The following VRTN variants were observed in gnomAD, a reference collection of about 807,000 sequenced individuals.
VRTN encodes vertebrae development associated.
In VRTN, 5 loss-of-function variants were observed where a neutral mutation model predicts 18.2. That is an observed-to-expected ratio of 0.27 (90% CI 0.14 to 0.58). The LOEUF (loss-of-function observed/expected upper bound fraction) is 0.58, where lower values mean the gene tolerates loss of function less well. Among genes scored for constraint, VRTN ranks in the 20% least tolerant of loss-of-function variants. VRTN has a pLI of 0.91. For synonymous variants in VRTN, 381 were observed against 393.7 expected, an observed-to-expected ratio of 0.97 and a Z score of 0.38; for missense variants, 741 against 939.4, an observed-to-expected ratio of 0.79 and a Z score of 2.76.
chr14:74,323,904 T>C (rs945410817), intron 1 of VRTN, among the ~76,000 whole-genome samples: 3 of 152,194 alleles, frequency 2.0e-5, no homozygotes, highest in Non-Finnish European at 4.4e-5. Context: ...CTGGGCTTCC[T>C]ATATGTCTGT....
chr14:74,305,746 C>T (rs2085343940), intron 1 of VRTN: 1 of 152,200 alleles, frequency 6.6e-6, no homozygotes, highest in Non-Finnish European at 1.5e-5. Flanking sequence ...AGCAATTCTC[C>T]TGCCTCAGCC....
chr14:74,331,150 C>T (rs1252701475), intron 1 of VRTN, among the ~76,000 whole-genome samples: 5 of 151,054 alleles, frequency 3.3e-5, no homozygotes, highest in African/African-American at 1.2e-4. Flanking sequence ...TGCAGTGAGC[C>T]GAGATCGCGC....
intron 1 of VRTN, among the ~76,000 whole-genome samples, chr14:74,332,961 C>T (rs1298497456): frequency 1.3e-5 from 2 of 152,156 alleles, no homozygotes; most frequent in Non-Finnish European, 2.9e-5. Flanking sequence ...CATGGCTTCC[C>T]ATATTCTATT....
At chr14:74,316,637 C>CT (rs370697776) in intron 1 of VRTN, among the ~76,000 whole-genome samples, 47,211 of 131,120 alleles carry the variant, frequency 0.36, 8,807 homozygotes, top group Middle Eastern at 0.54. Flanking sequence ...AGGGATTATT[C>CT]TTTTTTTTTT....
rs1334206264 is a variant in VRTN at position 74,357,619 on chromosome 14, G to A, written c.836G>A (p.Gly279Asp). 2.5e-6 allele frequency: 4 copies of A among 1,613,912 alleles called. No individual in the cohort carries two copies. Among genetic ancestry groups the A allele is most frequent in the Admixed American group, 3.3e-5 (2 of 60,008 alleles). Residue 279 changes from glycine to aspartate, a missense_variant, in exon 2 of 2, where the codon GGC becomes GAC. Transcript: ENST00000256362. This position sits in a 1 kb window ranked among gnomAD's most constrained non-coding sequence, Gnocchi z 7.8. ...KTLELLNREP[G>D]LSYSHLCERY... ...CTGGAGCTGCTCAACCGTGAACCTG[G>A]CCTCAGCTACTCTCACCTCTGTGAG...
intron 1 of VRTN, among the ~76,000 whole-genome samples, chr14:74,350,912 C>T (rs963788670): frequency 5.3e-5 from 8 of 152,196 alleles, no homozygotes; most frequent in Non-Finnish European, 1.0e-4. Flanking sequence ...CTCAGGAAAT[C>T]GGCTAATTGC....
chr14:74,324,417 T>A (rs1366703104), intron 1 of VRTN, among the ~76,000 whole-genome samples: 5 of 148,384 alleles, frequency 3.4e-5, no homozygotes, highest in Admixed American at 2.7e-4. Flanking sequence ...AAGAAGGATT[T>A]ATTTTAATTT....
intron 1 of VRTN, among the ~76,000 whole-genome samples, chr14:74,335,925 G>C (rs1394775999): frequency 6.6e-6 from 1 of 151,606 alleles, no homozygotes; most frequent in Non-Finnish European, 1.5e-5. Flanking sequence ...GTCTTTAGTA[G>C]AGATGGGGTT....
intron 1 of VRTN, among the ~76,000 whole-genome samples, chr14:74,349,842 A>C (rs975332408): frequency 3.9e-5 from 6 of 152,188 alleles, no homozygotes; most frequent in Admixed American, 1.3e-4. Context: ...ACTGGAGCTA[A>C]GATCCTGGCT....
At chr14:74,355,684 T>G (rs1232796545) in intron 1 of VRTN, among the ~76,000 whole-genome samples, 2 of 151,890 alleles carry the variant, frequency 1.3e-5, no homozygotes, top group Non-Finnish European at 2.9e-5. Context: ...ACAGGTGCAT[T>G]CCACCATGCC....
Position 74,329,659 on chromosome 14 carries a change from A to C in VRTN, c.-163-8064A>C, listed in dbSNP as rs1595167913. On this transcript the variant is annotated intron_variant, in intron 1 of 2. Transcript: ENST00000557177. ...AGTGGCGTGATCTCGGCTCACTGCCACCTCTGCCTCCTGGGTTCAAGCGAT... is the reference window on the plus strand; with the variant it reads ...AGTGGCGTGATCTCGGCTCACTGCCCCCTCTGCCTCCTGGGTTCAAGCGAT... Among the ~76,000 whole-genome samples the C allele has an allele frequency of 2.0e-5, 3 of 146,548 alleles. No homozygotes were observed. The South Asian group carries it at 6.5e-4, about 32-fold the overall frequency.
intron 1 of VRTN, among the ~76,000 whole-genome samples, chr14:74,330,995 C>T (rs181376741): frequency 4.7e-5 from 7 of 150,054 alleles, no homozygotes; most frequent in African/African-American, 1.7e-4. Context: ...GTCAGGAGAT[C>T]GAGACCATCC....
chr14:74,354,001 C>T (rs901675025), intron 1 of VRTN, among the ~76,000 whole-genome samples: 2 of 152,076 alleles, frequency 1.3e-5, no homozygotes, highest in Non-Finnish European at 2.9e-5. Context: ...CTTGAACTCC[C>T]GACCTCAAGT....
At chr14:74,355,531 A>G (rs986553957) in intron 1 of VRTN, among the ~76,000 whole-genome samples, 5 of 152,008 alleles carry the variant, frequency 3.3e-5, no homozygotes, top group Non-Finnish European at 7.4e-5. Context: ...AAAAAAAAAT[A>G]GCATCATTTA....
rs188066855 is a variant in VRTN, at chr14:74,329,444, T to C, written c.-163-8279T>C. 8.1e-3 allele frequency among the ~76,000 whole-genome samples: 1,235 copies of C among 151,888 alleles called. 12 individuals are homozygous for C. The highest frequency in any genetic ancestry group is 0.012 in the Non-Finnish European group (801 of 67,960). ...TTTTGTTTGTTTGTTTGTTTGTTTTTGTAGAGATGAGGTTTTGCAATGTTG... is the reference window on the plus strand; with the variant it reads ...TTTTGTTTGTTTGTTTGTTTGTTTTCGTAGAGATGAGGTTTTGCAATGTTG... On this transcript the variant is annotated intron_variant, in intron 1 of 2. Coordinates refer to the VRTN transcript ENST00000557177.
At position 74,358,961 on chromosome 14, in the gene VRTN, C is replaced by T. The variant is rs908361590; in HGVS notation, c.*69C>T. ...GAGAGGGTCAGGGACCTGAGCTGACCCCAGGCTTGGCCAGGATGTCCTTTG... is the reference window on the plus strand; with the variant it reads ...GAGAGGGTCAGGGACCTGAGCTGACTCCAGGCTTGGCCAGGATGTCCTTTG... On this transcript the variant is annotated 3_prime_UTR_variant, in exon 2 of 2. Coordinates refer to ENST00000256362, the MANE Select transcript of VRTN (RefSeq NM_018228.3). This position sits in a 1 kb window ranked among gnomAD's most constrained non-coding sequence, Gnocchi z 5.4. 4.0e-6 allele frequency: 6 copies of T among 1,517,158 alleles called. No homozygotes were observed. The highest frequency in any genetic ancestry group is 2.2e-5 in the Admixed American group (1 of 44,948). 94.0% of individuals were successfully genotyped at this position (1,517,158 alleles called of 1,614,324 possible).
intron 2 of VRTN, among the ~76,000 whole-genome samples, chr14:74,341,369 C>A (rs1452556476): frequency 2.6e-5 from 4 of 152,150 alleles, no homozygotes; most frequent in African/African-American, 9.7e-5. Context: ...GACTTTTTAC[C>A]ACCCAATCAA....
chr14:74,342,065 A>C (rs1458129880), intron 2 of VRTN, among the ~76,000 whole-genome samples: 1 of 152,182 alleles, frequency 6.6e-6, no homozygotes, highest in Non-Finnish European at 1.5e-5. Context: ...CCATTAAAGA[A>C]AAGACAGATA....
At chr14:74,321,879 C>A (rs1254900904) in intron 1 of VRTN, among the ~76,000 whole-genome samples, 2 of 149,612 alleles carry the variant, frequency 1.3e-5, no homozygotes, top group Non-Finnish European at 3.0e-5. Flanking sequence ...TTGCTCTTGT[C>A]CCACAGGCTG....
Sources: gnomAD v4.1 joint callset for allele counts (sites outside exome capture counted in the v4.1 genomes callset) on GRCh38, gnomAD v4.1.1 for gene constraint, Gnocchi (gnomAD v3.1) non-coding constraint, MANE v1.5 for transcripts, NCBI Gene and HGNC (gene_info 2026-07-23, HGNC 2026-07-21) for gene names.